Variants in DDC observed in about 807,000 individuals in gnomAD.
DDC encodes the protein aromatic-L-amino-acid decarboxylase.
In DDC, 43 loss-of-function variants were observed where a neutral mutation model predicts 60.0. That is an observed-to-expected ratio of 0.72 (90% CI 0.56 to 0.92). The LOEUF (loss-of-function observed/expected upper bound fraction) is 0.92. Among genes scored for constraint, DDC ranks in the 40% least tolerant of loss-of-function variants. DDC has a pLI of 0.00. For synonymous variants in DDC, 232 were observed against 234.6 expected, an observed-to-expected ratio of 0.99 and a Z score of 0.10; for missense variants, 573 against 620.2, an observed-to-expected ratio of 0.92 and a Z score of 0.81.
At position 50,459,137 on chromosome 7, in the gene DDC, T is replaced by G. The variant is rs898410026; in HGVS notation, c.*19-294A>C. Reference sequence around the variant, plus strand: ...ACGCCTGACTGGTTTTCGTATTTTTTTGGTGGAGACGGGGTTTCGCTGTGT... The same window carrying G: ...ACGCCTGACTGGTTTTCGTATTTTTGTGGTGGAGACGGGGTTTCGCTGTGT... On this transcript the variant is annotated intron_variant, in intron 14 of 14. Transcript: ENST00000444124. Among the ~76,000 whole-genome samples the G allele has an allele frequency of 7.1e-4, 108 of 152,358 alleles. 1 individual carries two copies. The highest frequency in any genetic ancestry group is 1.3e-3 in the Non-Finnish European group (86 of 68,042).
At chr7:50,540,427 T>C (rs936879963) in intron 2 of DDC, among the ~76,000 whole-genome samples, 1 of 151,876 alleles carries the variant, frequency 6.6e-6, no homozygotes, top group African/African-American at 2.4e-5. Context: ...GATCTCTTTG[T>C]GCCAAAAGCT....
intron 2 of DDC, 139 bp downstream of exon 2, chr7:50,543,745 TA>T: frequency 2.4e-6 from 2 of 850,916 alleles, no homozygotes; most frequent in Non-Finnish European, 3.9e-6. Context: ...TCCTCAGTTG[TA>T]AAATAGAAAT....
chr7:50,492,920 C>T, intron 9 of DDC: 10 of 1,597,184 alleles, frequency 6.3e-6, no homozygotes, highest in Non-Finnish European at 7.6e-6. Flanking sequence ...AGGCACTCCA[C>T]GTCCCGAAAG....
chr7:50,468,028 G>C (rs2042436412), intron 12 of DDC, among the ~76,000 whole-genome samples: 1 of 152,280 alleles, frequency 6.6e-6, no homozygotes, highest in South Asian at 2.1e-4. Flanking sequence ...TGTGATCCTA[G>C]GAGAAGGAGC....
At chr7:50,535,907 G>A (rs545887808) in intron 4 of DDC, among the ~76,000 whole-genome samples, 1 of 152,286 alleles carries the variant, frequency 6.6e-6, no homozygotes, top group East Asian at 1.9e-4. Flanking sequence ...TAAAAGTGGA[G>A]ACCCACTTTC....
chr7:50,548,561 A>G (rs1256272437), intron 1 of DDC, among the ~76,000 whole-genome samples: 1 of 152,224 alleles, frequency 6.6e-6, no homozygotes, highest in African/African-American at 2.4e-5. Context: ...AACTGTCTTC[A>G]ATTCTATGAA....
At chr7:50,511,115 TCATAAAATATGAATTTTATGAATA>T (rs1206959999) in intron 6 of DDC, among the ~76,000 whole-genome samples, 43 of 147,444 alleles carry the variant, frequency 2.9e-4, no homozygotes, top group African/African-American at 1.1e-3. Flanking sequence ...TAATAGGAGT[TCATAAAATATGAATTTTATGAATA>T]CATAAAATAC....
At chr7:50,521,520 T>C (rs1336513752) in intron 6 of DDC, among the ~76,000 whole-genome samples, 1 of 152,148 alleles carries the variant, frequency 6.6e-6, no homozygotes, top group Admixed American at 6.6e-5. Flanking sequence ...CTCAACAAAA[T>C]ATTAGCAAAT....
At position 50,463,267 on chromosome 7, in the gene DDC, C is replaced by T; in HGVS notation, c.1407G>A (p.Glu469=). The part of the protein sequence containing the change: ...HVQRAWEHIK[E]LAADVLRAER... ...CTGCTCGCAGCACGTCGGCCGCCAG[C>T]TCTTTGATGTGTTCCCAGGCCCGCT... The change falls in exon 14 of 15, where the codon GAG becomes GAA. Residue 469 remains glutamate (E), a synonymous_variant. Coordinates refer to ENST00000444124, the MANE Select transcript of DDC (RefSeq NM_001082971.2). 6.2e-7 allele frequency: 1 copy of T among 1,614,202 alleles called. No homozygotes were observed.
chr7:50,501,647 C>T (rs1046961485), intron 7 of DDC, among the ~76,000 whole-genome samples: 3 of 152,116 alleles, frequency 2.0e-5, no homozygotes, highest in African/African-American at 7.2e-5. Flanking sequence ...TCAGAACAGT[C>T]CCGCTTGGAG....
intron 4 of DDC, among the ~76,000 whole-genome samples, chr7:50,532,599 C>T (rs915569868): frequency 1.3e-5 from 2 of 152,166 alleles, no homozygotes; most frequent in African/African-American, 4.8e-5. Flanking sequence ...GTCCATAATC[C>T]AATCAATCTT....
intron 4 of DDC, among the ~76,000 whole-genome samples, chr7:50,534,170 C>A (rs935605480): frequency 6.6e-6 from 1 of 152,212 alleles, no homozygotes; most frequent in Non-Finnish European, 1.5e-5. Context: ...ATAAATTCCC[C>A]TACACTCCCT....
At chr7:50,467,372 A>G (rs1280456367) in intron 12 of DDC, 57 bp from the exon 13 acceptor site, 1 of 1,430,646 alleles carries the variant, frequency 7.0e-7, no homozygotes, top group Non-Finnish European at 9.9e-7. Context: ...TCAGAACTTA[A>G]CTACCTAGAA....
At chr7:50,480,619 T>C (rs756085735) in intron 9 of DDC, among the ~76,000 whole-genome samples, 6 of 152,124 alleles carry the variant, frequency 3.9e-5, no homozygotes, top group Admixed American at 6.6e-5. Context: ...ACGCTACCTC[T>C]AGGTAGTTAC....
intron 6 of DDC, among the ~76,000 whole-genome samples, chr7:50,506,450 A>C (rs1001644943): frequency 2.0e-5 from 3 of 152,188 alleles, no homozygotes; most frequent in Non-Finnish European, 2.9e-5. Flanking sequence ...ACATGTATAC[A>C]TATGTACAAA....
chr7:50,503,402 AAC>A (rs1179799379), intron 7 of DDC, among the ~76,000 whole-genome samples: 1 of 152,222 alleles, frequency 6.6e-6, no homozygotes, highest in Non-Finnish European at 1.5e-5. Flanking sequence ...ACCTTTTGAA[AAC>A]ACAGCATCCT....
chr7:50,548,933 T>G (rs1158265116), intron 1 of DDC, among the ~76,000 whole-genome samples: 2 of 152,230 alleles, frequency 1.3e-5, no homozygotes, highest in Admixed American at 1.3e-4. Flanking sequence ...TATGCTTACT[T>G]ATTATTCTGA....
intron 8 of DDC, among the ~76,000 whole-genome samples, chr7:50,496,454 C>T (rs1416186188): frequency 6.6e-6 from 1 of 152,068 alleles, no homozygotes; most frequent in African/African-American, 2.4e-5. Context: ...CTGGAAGATC[C>T]TGGGTAAAAA....
At chr7:50,468,430 T>G (rs1009806222) in intron 12 of DDC, among the ~76,000 whole-genome samples, 1 of 152,210 alleles carries the variant, frequency 6.6e-6, no homozygotes, top group Non-Finnish European at 1.5e-5. Flanking sequence ...TTTTTGGCTT[T>G]CTTTCCCCAA....
Sources: allele counts gnomAD v4.1 joint callset (sites outside exome capture counted in the v4.1 genomes callset), GRCh38; gene constraint gnomAD v4.1.1; transcripts MANE v1.5; gene names NCBI Gene and HGNC (gene_info 2026-07-23, HGNC 2026-07-21).